Variants in ANKRD17 observed in about 807,000 individuals in gnomAD.
ANKRD17 encodes the protein ankyrin repeat domain 17.
Under a neutral mutation model 229.7 loss-of-function variants are expected in ANKRD17, and 19 were observed. That is an observed-to-expected ratio of 0.08 (90% CI 0.06 to 0.12). ANKRD17 has a LOEUF of 0.12. Ranked by LOEUF, ANKRD17 falls within the 10% of genes least tolerant of loss-of-function variation. The pLI, the probability that ANKRD17 is intolerant of heterozygous loss-of-function variation, is 1.00. For missense variants in ANKRD17, 2,176 were observed against 3,176.8 expected (o/e 0.68, Z 7.57); for synonymous variants, 1,112 against 1,146.1 (o/e 0.97, Z 0.60).
intron 16 of ANKRD17, among the ~76,000 whole-genome samples, chr4:73,134,242 CCT>C (rs1283438525): frequency 6.6e-6 from 1 of 152,064 alleles, no homozygotes; most frequent in Non-Finnish European, 1.5e-5. Context: ...TACACTCACT[CCT>C]CTCTCTTTCT....
chr4:73,141,201 C>T (rs1729559681), intron 14 of ANKRD17, among the ~76,000 whole-genome samples: 1 of 152,126 alleles, frequency 6.6e-6, no homozygotes, highest in African/African-American at 2.4e-5. Context: ...TGTTTGGGGA[C>T]ATTACTTAAG....
intron 1 of ANKRD17, among the ~76,000 whole-genome samples, chr4:73,229,511 C>A (rs375679802): frequency 3.3e-5 from 5 of 151,804 alleles, no homozygotes; most frequent in African/African-American, 1.2e-4. Flanking sequence ...ATCAAAGTTA[C>A]ACCTCCTCTC....
Position 73,097,280 on chromosome 4 carries a change from A to G in ANKRD17, c.5022-8T>C. The G allele has an allele frequency of 6.4e-7, 1 of 1,568,160 alleles. No individual in the cohort carries two copies. Among genetic ancestry groups the G allele is most frequent in the Non-Finnish European group, 8.6e-7 (1 of 1,161,514 alleles). ...CTGATAGTTTCTGACAATCTTTAAC[A>G]AAGAGAGGGAAAGTACATTAAATAT... On this transcript the variant is annotated splice_polypyrimidine_tract_variant and splice_region_variant and intron_variant, in intron 26 of 33. Transcript: ENST00000358602.
At chr4:73,162,767 C>T (rs982508093) in intron 2 of ANKRD17, among the ~76,000 whole-genome samples, 1 of 152,130 alleles carries the variant, frequency 6.6e-6, no homozygotes, top group Non-Finnish European at 1.5e-5. Context: ...AAGCATGCAG[C>T]ATTCTTACCC....
intron 1 of ANKRD17, among the ~76,000 whole-genome samples, chr4:73,179,377 AT>A (rs1269561119): frequency 3.4e-5 from 5 of 147,664 alleles, no homozygotes; most frequent in South Asian, 2.1e-4. Context: ...TACAAAAACA[AT>A]TTTTTAAAAT....
Position 73,135,111 on chromosome 4 carries a change from A to C in ANKRD17, c.3234+6T>G, listed in dbSNP as rs1252473857. Reference sequence around the variant, plus strand: ...AAAAACCATCTCTCTTAAGTTTGGGACTTACCTGTGCATCAATATCAATGG... The same window carrying C: ...AAAAACCATCTCTCTTAAGTTTGGGCCTTACCTGTGCATCAATATCAATGG... On this transcript the variant is annotated splice_donor_region_variant and intron_variant, in intron 16 of 33. Transcript: ENST00000358602. 1 of 1,611,230 alleles carries C rather than the reference A, an allele frequency of 6.2e-7. No individual in the cohort carries two copies. Among genetic ancestry groups the C allele is most frequent in the South Asian group, 1.1e-5 (1 of 90,792 alleles).
chr4:73,221,475 A>G (rs1425741677), intron 1 of ANKRD17, among the ~76,000 whole-genome samples: 1 of 152,176 alleles, frequency 6.6e-6, no homozygotes, highest in East Asian at 1.9e-4. Flanking sequence ...AAATTGTCAA[A>G]TAGATTTATC....
chr4:73,106,835 C>G (rs938017951), intron 24 of ANKRD17, among the ~76,000 whole-genome samples: 17 of 131,602 alleles, frequency 1.3e-4, no homozygotes, highest in Non-Finnish European at 2.0e-4. Context: ...GCCGAGATTG[C>G]GCCATGGCCC....
In ANKRD17 at chr4:73,153,971, T is replaced by G. The variant is rs1731323236; in HGVS notation, c.1143A>C (p.Glu381Asp). The G allele has an allele frequency of 6.2e-7, 1 of 1,613,596 alleles. No individual in the cohort carries two copies. The highest frequency in any genetic ancestry group is 8.5e-7 in the Non-Finnish European group (1 of 1,179,842). Reference protein sequence around the residue: ...LMEAGSAGHVEVARLLLENGA... With the variant: ...LMEAGSAGHVDVARLLLENGA... ...CATTTTCTAGCAGCAATCTGGCTAC[T>G]TCCACATGTCCAGCACTTCCAGCTT... The change falls in exon 6 of 34, where the codon GAA becomes GAC. Residue 381 changes from glutamate (E) to aspartate (D), a missense_variant. By Grantham distance (45) the Glu-to-Asp change is conservative. Coordinates refer to ENST00000358602, the MANE Select transcript of ANKRD17 (RefSeq NM_032217.5).
At chr4:73,151,678 C>G (rs1485563489) in intron 6 of ANKRD17, among the ~76,000 whole-genome samples, 154 bp from the exon 7 acceptor site, 1 of 152,138 alleles carries the variant, frequency 6.6e-6, no homozygotes, top group Non-Finnish European at 1.5e-5. Flanking sequence ...TTGTAGAACA[C>G]AAATTATACA....
intron 1 of ANKRD17, among the ~76,000 whole-genome samples, chr4:73,241,660 C>A (rs947167263): frequency 6.6e-6 from 1 of 151,974 alleles, no homozygotes; most frequent in African/African-American, 2.4e-5. Context: ...AAAAAGGATG[C>A]ACATAAACTG....
At position 73,077,280 on chromosome 4, in the gene ANKRD17, C is replaced by T. The variant is rs1721095493; in HGVS notation, c.7587+75G>A. ...TAACTTATTTTAACATTAGATTATA[C>T]ATATGCCTACTATATTCAAAACATT... is the stretch of plus-strand genomic sequence containing the variant. On this transcript the variant is annotated intron_variant, in intron 32 of 33. Transcript: ENST00000358602. 2.1e-6 allele frequency: 3 copies of T among 1,423,060 alleles called. No homozygotes were observed. In the South Asian group the frequency reaches 4.4e-5, roughly 21 times the overall value. 88.2% of individuals were successfully genotyped at this position (1,423,060 alleles called of 1,614,324 possible).
rs139064430 is a variant in ANKRD17 at position 73,097,159 on chromosome 4, C to A, written c.5135G>T (p.Arg1712Leu). The A allele has an allele frequency of 1.2e-6, 2 of 1,610,952 alleles. No homozygotes were observed. The highest frequency in any genetic ancestry group is 1.7e-6 in the Non-Finnish European group (2 of 1,178,942). The stretch of plus-strand genomic sequence containing the variant: ...CCATCCTTCTTCCCTCTTTTGCCCA[C>A]GCTTAGGACTTGCTACTGTTAACTT... ...NGKLTVASPK[R>L]GQKREEGWKE... The change falls in exon 27 of 34, where the codon CGT (arginine) becomes CTT (leucine). Residue 1712 changes from arginine (R) to leucine (L), a missense_variant. Coordinates refer to ENST00000358602, the MANE Select transcript of ANKRD17 (RefSeq NM_032217.5).
At position 73,235,054 on chromosome 4, in the gene ANKRD17, C is replaced by T. The variant is rs1211283719; in HGVS notation, c.393+23222G>A. ...GATTCCATGAACTTTCTATCTTCTT[C>T]AAAATTTCTTGGTCCTCTGATGGTA... On this transcript the variant is annotated intron_variant, in intron 1 of 33. Coordinates refer to ENST00000358602, the MANE Select transcript of ANKRD17 (RefSeq NM_032217.5). 2.0e-5 allele frequency among the ~76,000 whole-genome samples: 3 copies of T among 152,106 alleles called. No homozygotes were observed. In the South Asian group the frequency reaches 6.2e-4, roughly 32 times the overall value.
chr4:73,076,170 TCGGC>T lies in ANKRD17; in HGVS notation c.*57_*60del. On this transcript the variant is annotated 3_prime_UTR_variant, in exon 34 of 34. Coordinates refer to ENST00000358602, the MANE Select transcript of ANKRD17 (RefSeq NM_032217.5). ...TGATTTGGGAGCATAATTTTTTTTTTCGGCCACTTGTGATTTCCTCCAAATGAAA... is the reference window on the plus strand; with the variant it reads ...TGATTTGGGAGCATAATTTTTTTTTTCACTTGTGATTTCCTCCAAATGAAA... 1 of 1,501,030 alleles carries T rather than the reference TCGGC, an allele frequency of 6.7e-7. No individual in the cohort carries two copies. Among genetic ancestry groups the T allele is most frequent in the Non-Finnish European group, 9.1e-7 (1 of 1,103,848 alleles). The allele number at this position is 1,501,030 out of a possible 1,614,324, so 93.0% of individuals were successfully genotyped here.
At chr4:73,222,921 A>T in intron 1 of ANKRD17, 1 of 1,361,148 alleles carries the variant, frequency 7.3e-7, no homozygotes, top group Non-Finnish European at 1.0e-6. Flanking sequence ...CCGGCAGATA[A>T]GATTTCTTTG....
chr4:73,137,623 T>C (rs934995914), intron 15 of ANKRD17, among the ~76,000 whole-genome samples: 4 of 152,216 alleles, frequency 2.6e-5, no homozygotes, highest in African/African-American at 9.6e-5. Context: ...AATGTGCACA[T>C]GCCTGTTGTC....
rs1420618340 is a variant in ANKRD17 at position 73,177,312 on chromosome 4, G to A, written c.547+68C>T. 4.5e-6 allele frequency: 6 copies of A among 1,341,058 alleles called. No individual in the cohort carries two copies. In the South Asian group the frequency reaches 1.1e-4, roughly 25 times the overall value. The allele number at this position is 1,341,058 out of a possible 1,614,324, so 83.1% of individuals were successfully genotyped here. A position where few individuals can be genotyped will look rare whatever the true frequency, so the allele number is the denominator to read the frequency against. On this transcript the variant is annotated intron_variant, in intron 2 of 33. Coordinates refer to ENST00000358602, the MANE Select transcript of ANKRD17 (RefSeq NM_032217.5). ...ACCCAATATCATTCATTTTTAACAAGAGCTTTTATTAGATTGATGTGCAAC... is the reference window on the plus strand; with the variant it reads ...ACCCAATATCATTCATTTTTAACAAAAGCTTTTATTAGATTGATGTGCAAC...
chr4:73,095,958 G>C (rs560441854), intron 27 of ANKRD17, among the ~76,000 whole-genome samples: 7 of 152,068 alleles, frequency 4.6e-5, no homozygotes, highest in Non-Finnish European at 8.8e-5. Context: ...CCAAAATGCT[G>C]GGATTATAGA....
Sources: allele counts gnomAD v4.1 joint callset (sites outside exome capture counted in the v4.1 genomes callset), GRCh38; gene constraint gnomAD v4.1.1; transcripts MANE v1.5; gene names NCBI Gene and HGNC (gene_info 2026-07-23, HGNC 2026-07-21).